Variants in OPN1LW observed in about 807,000 individuals in gnomAD.
OPN1LW encodes the protein long-wave-sensitive opsin 1.
In OPN1LW, 4 loss-of-function variants were observed where a neutral mutation model predicts 18.1. The ratio of observed to expected loss-of-function variants is 0.22; its 90% confidence interval spans 0.11 to 0.51. The LOEUF is 0.51. Among genes scored for constraint, OPN1LW ranks in the 20% least tolerant of loss-of-function variants. The pLI, the probability that OPN1LW is intolerant of heterozygous loss-of-function variation, is 0.97. For missense variants in OPN1LW, 164 were observed against 234.9 expected (o/e 0.70, Z 1.97); for synonymous variants, 86 against 101.2 (o/e 0.85, Z 0.90).
rs2067052589 is a variant in OPN1LW at position 154,144,244 on chromosome X, CCAGGGCCGGCTGCCGTCGGGGA to C, written c.-33_-12del. On this transcript the variant is annotated 5_prime_UTR_variant, in exon 1 of 6. Coordinates refer to ENST00000369951, the MANE Select transcript of OPN1LW (RefSeq NM_020061.6). ...AGCGCCGTGACCCTCAGGTGATGCG[CCAGGGCCGGCTGCCGTCGGGGA>C]CAGGGCTTTCCATAGCCATGGCCCA... The C allele has an allele frequency of 8.3e-7, 1 of 1,209,077 alleles. No homozygotes were observed. Among genetic ancestry groups the C allele is most frequent in the Non-Finnish European group, 1.1e-6 (1 of 895,031 alleles).
chrX:154,149,049 GA>G (rs1557157246), intron 1 of OPN1LW, among the ~76,000 whole-genome samples: 1 of 102,469 alleles, frequency 9.8e-6, no homozygotes, highest in Non-Finnish European at 1.9e-5. Context: ...ACTAAAAATA[GA>G]AAAAATTAGC....
Position 154,150,711 on chromosome X carries a change from C to T in OPN1LW, c.168C>T (p.Thr56=). Residue 56 remains threonine, a synonymous_variant, in exon 2 of 6, where the codon ACC becomes ACT. Transcript: ENST00000369951. ...CTCCCAGATGGGTGTACCACCTCACCAGTGTCTGGATGATCTTTGTGGTCA... is the reference window on the plus strand; with the variant it reads ...CTCCCAGATGGGTGTACCACCTCACTAGTGTCTGGATGATCTTTGTGGTCA... ...HIAPRWVYHL[T]SVWMIFVVTA... is the part of the protein sequence containing the mutation. 8.3e-7 allele frequency: 1 copy of T among 1,201,811 alleles called. No homozygotes were observed. Among genetic ancestry groups the T allele is most frequent in the Non-Finnish European group, 1.1e-6 (1 of 891,038 alleles).
Position 154,144,410 on chromosome X carries a change from C to T in OPN1LW, c.112+15C>T. The T allele has an allele frequency of 8.9e-7, 1 of 1,129,420 alleles. No individual in the cohort carries two copies. The allele number at this position is 1,129,420 out of a possible 1,213,427, so 93.1% of individuals were successfully genotyped here. On this transcript the variant is annotated intron_variant, in intron 1 of 5. Transcript: ENST00000369951. Reference sequence around the variant, plus strand: ...CTCCACCAGAGGTGAGCCAGCAGGCCCGTGGAGGCTGGGTGGCTGCACTGG... The same window carrying T: ...CTCCACCAGAGGTGAGCCAGCAGGCTCGTGGAGGCTGGGTGGCTGCACTGG...
rs1193671488 is a variant in OPN1LW at position 154,148,681 on chromosome X, C to T, written c.113-1975C>T. ...TAAACTTGGTCATTTCTGTAAAGAC[C>T]CTATCTCCGAAAACGGTCACATTCT... On this transcript the variant is annotated intron_variant, in intron 1 of 5. Transcript: ENST00000369951. Among the ~76,000 whole-genome samples, 4 of 104,984 alleles carry T rather than the reference C, an allele frequency of 3.8e-5. No individual in the cohort carries two copies. In the Admixed American group the frequency reaches 3.9e-4, roughly 10 times the overall value. The allele number at this position is 104,984 out of a possible 115,157, so 91.2% of individuals were successfully genotyped here.
Position 154,148,551 on chromosome X carries a change from G to A in OPN1LW, c.113-2105G>A, listed in dbSNP as rs190224515. Among the ~76,000 whole-genome samples, 203 of 103,238 alleles carry A rather than the reference G, an allele frequency of 2.0e-3. 11 individuals are homozygous for A. The highest frequency in any genetic ancestry group is 8.5e-3 in the African/African-American group (201 of 23,621). The allele number at this position is 103,238 out of a possible 115,157, so 89.6% of individuals were successfully genotyped here. A position where few individuals can be genotyped will look rare whatever the true frequency, so the allele number is the denominator to read the frequency against. The stretch of plus-strand genomic sequence containing the variant: ...CTCCCAAAGTGCTGGGATTACAGGC[G>A]TGAGCCACCGCTCCCAGCCGACTGT... On this transcript the variant is annotated intron_variant, in intron 1 of 5. Coordinates refer to ENST00000369951, the MANE Select transcript of OPN1LW (RefSeq NM_020061.6).
Position 154,150,874 on chromosome X carries a change from A to T in OPN1LW, c.331A>T (p.Ile111Phe), listed in dbSNP as rs1065421. 3 of 1,187,227 alleles carry T rather than the reference A, an allele frequency of 2.5e-6. No individual in the cohort carries two copies. Among genetic ancestry groups the T allele is most frequent in the African/African-American group, 1.9e-5 (1 of 52,229 alleles). ...GACCGTCATCGCCAGCACTATCAGC[A>T]TTGTGAACCAGGTCTCTGGCTACTT... ...AETVIASTIS[I>F]VNQVSGYFVL... The change falls in exon 2 of 6, where the codon ATT (isoleucine) becomes TTT (phenylalanine). Residue 111 changes from isoleucine to phenylalanine, a missense_variant. Physicochemically the swap from Ile to Phe is conservative, Grantham distance 21 (BLOSUM62 0). Around this residue, in one of 3 missense-constraint regions of OPN1LW, gnomAD observed 106 missense variants for 167.7 expected, o/e 0.63. Transcript: ENST00000369951.
rs782523727 is a variant in OPN1LW, at chrX:154,154,638, G to A, written c.643G>A (p.Gly215Arg). The A allele has an allele frequency of 2.0e-5, 24 of 1,186,117 alleles. 1 individual carries two copies. Among genetic ancestry groups the A allele is most frequent in the Middle Eastern group, 2.3e-4 (1 of 4,298 alleles). ...CGTGTTCAGCGGCAGCTCGTACCCC[G>A]GGGTGCAGTCTTACATGATTGTCCT... ...PDVFSGSSYP[G>R]VQSYMIVLMV... The change falls in exon 4 of 6, where the codon GGG becomes AGG. Residue 215 changes from glycine to arginine, a missense_variant. Around this residue, in one of 3 missense-constraint regions of OPN1LW, gnomAD observed 106 missense variants for 167.7 expected, o/e 0.63. Transcript: ENST00000369951.
At chrX:154,148,973 A>G (rs1250695163) in intron 1 of OPN1LW, among the ~76,000 whole-genome samples, 1 of 104,227 alleles carries the variant, frequency 9.6e-6, no homozygotes, top group African/African-American at 4.2e-5. Flanking sequence ...TGGGAGGCCG[A>G]GGCAGGCGGA....
chrX:154,156,542 C>T lies in OPN1LW; in HGVS notation c.984+9C>T. 8.3e-7 allele frequency: 1 copy of T among 1,199,960 alleles called. No homozygotes were observed. The highest frequency in any genetic ancestry group is 1.8e-5 in the South Asian group (1 of 56,283). The stretch of plus-strand genomic sequence containing the variant: ...TCTTTATGAACCGGCAGGTAAGCAA[C>T]ACCATCAGCAGATCCCACTCAAAAT... On this transcript the variant is annotated intron_variant, in intron 5 of 5. Transcript: ENST00000369951.
intron 1 of OPN1LW, among the ~76,000 whole-genome samples, chrX:154,149,278 A>G (rs2067066591): frequency 9.6e-6 from 1 of 103,691 alleles, no homozygotes; most frequent in Admixed American, 9.8e-5. Context: ...CTGCAATCCC[A>G]GTACTTTGGG....
chrX:154,154,384 T>G (rs2067078962), intron 3 of OPN1LW, among the ~76,000 whole-genome samples, 190 bp from the exon 4 acceptor site: 1 of 97,380 alleles, frequency 1.0e-5, no homozygotes, highest in Non-Finnish European at 2.1e-5. Flanking sequence ...TTTGGGTTGA[T>G]GAAAATGTTC....
chrX:154,149,786 A>T (rs1386566870), intron 1 of OPN1LW, among the ~76,000 whole-genome samples: 6 of 22,137 alleles, frequency 2.7e-4, no homozygotes, highest in Admixed American at 5.7e-4. Context: ...TTAAAAAAAA[A>T]TTTTTTTTAC....
At position 154,150,728 on chromosome X, in the gene OPN1LW, T is replaced by C. The variant is rs1557157415; in HGVS notation, c.185T>C (p.Phe62Ser). The change falls in exon 2 of 6, where the codon TTT (phenylalanine) becomes TCT (serine). Residue 62 changes from phenylalanine to serine, a missense_variant. By Grantham distance (155) the Phe-to-Ser change is radical. This residue lies in a region of OPN1LW where 106 missense variants were observed against 167.7 expected (regional missense o/e 0.63). Coordinates refer to ENST00000369951, the MANE Select transcript of OPN1LW (RefSeq NM_020061.6). ...VYHLTSVWMI[F>S]VVTASVFTNG... ...CACCTCACCAGTGTCTGGATGATCT[T>C]TGTGGTCACTGCATCCGTCTTCACA... 1 of 1,202,498 alleles carries C rather than the reference T, an allele frequency of 8.3e-7. No homozygotes were observed. The highest frequency in any genetic ancestry group is 3.0e-5 in the East Asian group (1 of 33,653).
At chrX:154,149,387 G>T (rs1175636674) in intron 1 of OPN1LW, among the ~76,000 whole-genome samples, 1 of 99,504 alleles carries the variant, frequency 1.0e-5, no homozygotes, top group Non-Finnish European at 1.9e-5. Flanking sequence ...AATTAGCTGG[G>T]TGTGGTGGTG....
Position 154,156,258 on chromosome X carries a change from C to T in OPN1LW, c.745-36C>T, listed in dbSNP as rs2067083675. 3 of 1,177,939 alleles carry T rather than the reference C, an allele frequency of 2.5e-6. No homozygotes were observed. The African/African-American group carries it at 6.0e-5, about 24-fold the overall frequency. Reference sequence around the variant, plus strand: ...CCTGGGTCACCTGCCTCTTGCTGCCCTCCAACCCCCGACTCACTATCCCTG... The same window carrying T: ...CCTGGGTCACCTGCCTCTTGCTGCCTTCCAACCCCCGACTCACTATCCCTG... On this transcript the variant is annotated intron_variant, in intron 4 of 5. Transcript: ENST00000369951.
intron 3 of OPN1LW, among the ~76,000 whole-genome samples, chrX:154,154,083 C>T (rs1411263875): frequency 1.1e-5 from 1 of 95,049 alleles, no homozygotes; most frequent in East Asian, 3.0e-4. Context: ...CCTCCTACCT[C>T]AGCCTCCTGA....
chrX:154,156,233 C>A, intron 4 of OPN1LW, 61 bp from the exon 5 acceptor site: 1 of 1,155,641 alleles, frequency 8.7e-7, no homozygotes, highest in Non-Finnish European at 1.2e-6. Context: ...ACTCCCTATG[C>A]CTGGGTCACC....
At position 154,148,675 on chromosome X, in the gene OPN1LW, A is replaced by G. The variant is rs1264548202; in HGVS notation, c.113-1981A>G. ...CTCATTTAAACTTGGTCATTTCTGTAAAGACCCTATCTCCGAAAACGGTCA... is the reference window on the plus strand; with the variant it reads ...CTCATTTAAACTTGGTCATTTCTGTGAAGACCCTATCTCCGAAAACGGTCA... On this transcript the variant is annotated intron_variant, in intron 1 of 5. Coordinates refer to ENST00000369951, the MANE Select transcript of OPN1LW (RefSeq NM_020061.6). Among the ~76,000 whole-genome samples, 10 of 105,105 alleles carry G rather than the reference A, an allele frequency of 9.5e-5. 1 individual carries two copies. Among genetic ancestry groups the G allele is most frequent in the Admixed American group, 3.9e-4 (4 of 10,311 alleles). 91.3% of individuals were successfully genotyped at this position (105,105 alleles called of 115,157 possible).
Position 154,144,332 on chromosome X carries a change from G to C in OPN1LW, c.49G>C (p.Asp17His). The C allele has an allele frequency of 8.3e-7, 1 of 1,198,927 alleles. No homozygotes were observed. The highest frequency in any genetic ancestry group is 1.1e-6 in the Non-Finnish European group (1 of 889,541). ...LQRLAGRHPQDSYEDSTQSSI... is the reference protein window; with the variant it reads ...LQRLAGRHPQHSYEDSTQSSI... Reference sequence around the variant, plus strand: ...AAGGCTCGCAGGCCGCCATCCGCAGGACAGCTATGAGGACAGCACCCAGTC... The same window carrying C: ...AAGGCTCGCAGGCCGCCATCCGCAGCACAGCTATGAGGACAGCACCCAGTC... The change falls in exon 1 of 6, where the codon GAC becomes CAC. Residue 17 changes from aspartate (D) to histidine (H), a missense_variant. This residue lies in a region of OPN1LW where 106 missense variants were observed against 167.7 expected (regional missense o/e 0.63). Transcript: ENST00000369951.
Sources: allele counts gnomAD v4.1 joint callset (sites outside exome capture counted in the v4.1 genomes callset), GRCh38; gene constraint gnomAD v4.1.1; regional missense constraint gnomAD v4.1.1; transcripts MANE v1.5; gene names NCBI Gene and HGNC (gene_info 2026-07-23, HGNC 2026-07-21).